ITGB2: variants seen among roughly 807,000 people sequenced by gnomAD.
ITGB2 encodes integrin beta-2.
Under a neutral mutation model 86.8 loss-of-function variants are expected in ITGB2, and 56 were observed. The ratio of observed to expected loss-of-function variants is 0.65; its 90% CI spans 0.52 to 0.81. The LOEUF (loss-of-function observed/expected upper bound fraction) is 0.81. Among genes scored for constraint, ITGB2 ranks in the 30% least tolerant of loss-of-function variants. The pLI is 0.00. For synonymous variants in ITGB2, 457 were observed against 450.4 expected, an observed-to-expected ratio of 1.01 and a Z score of -0.19; for missense variants, 948 against 1,061.2, an observed-to-expected ratio of 0.89 and a Z score of 1.48.
chr21:44,919,437 T>C (rs73376539), intron 1 of ITGB2, among the ~76,000 whole-genome samples: 12,888 of 152,210 alleles, frequency 0.085, 627 homozygotes, highest in Middle Eastern at 0.14. Context: ...TGGAGGCCAC[T>C]CTTGGTAAAG....
chr21:44,908,149 C>T (rs746475756), intron 3 of ITGB2: 14 of 744,166 alleles, frequency 1.9e-5, no homozygotes, highest in African/African-American at 5.1e-5. Flanking sequence ...CTGCTCGCCG[C>T]GGTGGCGTGG....
chr21:44,908,291 T>C (rs1320585346), intron 3 of ITGB2: 24 of 538,350 alleles, frequency 4.5e-5, no homozygotes, highest in Non-Finnish European at 7.5e-5. Context: ...TTCTCTAGTT[T>C]ATAAGACAGG....
intron 7 of ITGB2, among the ~76,000 whole-genome samples, 183 bp downstream of exon 7, chr21:44,900,137 C>T (rs2083929460): frequency 1.3e-5 from 2 of 152,240 alleles, no homozygotes; most frequent in Admixed American, 6.5e-5. Context: ...CCAACCCTAC[C>T]CTCCCCTGGC....
intron 1 of ITGB2, among the ~76,000 whole-genome samples, chr21:44,913,983 C>T (rs544775975): frequency 3.0e-4 from 46 of 152,248 alleles, no homozygotes; most frequent in African/African-American, 1.1e-3. Flanking sequence ...GGAGGAAGAG[C>T]ACAGACACCC....
intron 7 of ITGB2, among the ~76,000 whole-genome samples, chr21:44,899,742 C>T (rs1473531701): frequency 6.6e-6 from 1 of 152,260 alleles, no homozygotes; most frequent in African/African-American, 2.4e-5. Flanking sequence ...CCCCTCTGAG[C>T]CATTGAGATG....
intron 1 of ITGB2, among the ~76,000 whole-genome samples, chr21:44,916,294 A>G (rs1017753589): frequency 1.3e-5 from 2 of 149,070 alleles, no homozygotes; most frequent in Admixed American, 1.3e-4. Context: ...CCCCCGACAC[A>G]CACATATTAA....
intron 1 of ITGB2, among the ~76,000 whole-genome samples, chr21:44,918,150 A>G (rs1273188116): frequency 1.3e-5 from 2 of 152,218 alleles, no homozygotes; most frequent in Non-Finnish European, 2.9e-5. Flanking sequence ...CTTCCCAGCG[A>G]CCTGGCCTGT....
intron 10 of ITGB2, chr21:44,893,043 C>T (rs1187163707): frequency 3.1e-6 from 1 of 324,488 alleles, no homozygotes; most frequent in Non-Finnish European, 6.1e-6. Flanking sequence ...ATGAGTAGGA[C>T]TCTTGGGGGC....
chr21:44,924,551 T>C (rs1236605521), upstream of ITGB2, among the ~76,000 whole-genome samples: 3 of 152,088 alleles, frequency 2.0e-5, no homozygotes, highest in African/African-American at 7.2e-5. Context: ...TGTTACAAAG[T>C]GGGACAATGA....
intron 4 of ITGB2, 103 bp downstream of exon 4, chr21:44,906,812 G>T: frequency 1.6e-6 from 2 of 1,271,262 alleles, no homozygotes; most frequent in Non-Finnish European, 2.3e-6. Context: ...CCGGACACAT[G>T]CCTTCTGGGC....
intron 1 of ITGB2, among the ~76,000 whole-genome samples, chr21:44,911,998 G>T (rs1461230023): frequency 6.6e-6 from 1 of 152,150 alleles, no homozygotes. Context: ...GCACCAAGAA[G>T]GTGGAGAGGT....
chr21:44,908,229 A>T (rs1209485303), intron 3 of ITGB2: 1 of 669,724 alleles, frequency 1.5e-6, no homozygotes, highest in East Asian at 2.7e-5. Context: ...GACGGTAAGG[A>T]ATGAGACACC....
upstream of ITGB2, among the ~76,000 whole-genome samples, chr21:44,923,782 G>A (rs1294808390): frequency 6.6e-6 from 1 of 152,182 alleles, no homozygotes; most frequent in Non-Finnish European, 1.5e-5. Context: ...GTGAATTTAT[G>A]TTATGTATAT....
At chr21:44,914,561 CA>C (rs1359075939) in intron 1 of ITGB2, among the ~76,000 whole-genome samples, 1 of 152,220 alleles carries the variant, frequency 6.6e-6, no homozygotes, top group African/African-American at 2.4e-5. Context: ...AAGAGACCTG[CA>C]GCAGATCCGG....
chr21:44,922,601 A>G (rs2084320661), upstream of ITGB2, among the ~76,000 whole-genome samples: 1 of 147,796 alleles, frequency 6.8e-6, no homozygotes, highest in Non-Finnish European at 1.5e-5. Flanking sequence ...TGAGCCCAAG[A>G]GGTTGAGGCT....
upstream of ITGB2, among the ~76,000 whole-genome samples, chr21:44,924,404 T>G (rs1213287728): frequency 6.6e-6 from 1 of 152,148 alleles, no homozygotes; most frequent in African/African-American, 2.4e-5. Flanking sequence ...CATTCCAGCC[T>G]GGGTGATGAG....
At chr21:44,893,955 G>A in intron 9 of ITGB2, 1 of 325,444 alleles carries the variant, frequency 3.1e-6, no homozygotes, top group South Asian at 2.5e-5. Flanking sequence ...GAGAAACAGA[G>A]AGAGGCAGAG....
Position 44,906,993 on chromosome 21 carries a change from G to A in ITGB2, c.250C>T (p.Leu84Phe), listed in dbSNP as rs2084051692. 6.2e-7 allele frequency: 1 copy of A among 1,614,210 alleles called. No homozygotes were observed. The highest frequency in any genetic ancestry group is 2.2e-5 in the East Asian group (1 of 44,884). The change falls in exon 4 of 16, where the codon CTC becomes TTC. Residue 84 changes from leucine (L) to phenylalanine (F), a missense_variant. By Grantham distance (22) the Leu-to-Phe change is conservative (BLOSUM62 0). Coordinates refer to ENST00000652462, the MANE Select transcript of ITGB2 (RefSeq NM_000211.5). ...AADDIMDPTS[L>F]AETQEDHNGG... ...TTGTGGTCTTCCTGGGTTTCAGCGAGGCTTGTGGGGTCCATGATGTCGTCA... is the reference window on the plus strand; with the variant it reads ...TTGTGGTCTTCCTGGGTTTCAGCGAAGCTTGTGGGGTCCATGATGTCGTCA...
chr21:44,894,360 C>G (rs1367586050), intron 9 of ITGB2: 1 of 168,066 alleles, frequency 6.0e-6, no homozygotes, highest in Non-Finnish European at 1.3e-5. Context: ...ACATCTCTCA[C>G]CTGGGGGTAG....
Sources: allele counts gnomAD v4.1 joint callset (sites outside exome capture counted in the v4.1 genomes callset), GRCh38; gene constraint gnomAD v4.1.1; transcripts MANE v1.5; gene names NCBI Gene and HGNC (gene_info 2026-07-23, HGNC 2026-07-21).